Variants in UGGT2 observed in about 807,000 individuals in gnomAD.
UGGT2 encodes UDP-glucose:glycoprotein glucosyltransferase 2.
UGGT2 carries 180 observed loss-of-function variants against 192.1 expected under a neutral mutation model. The ratio of observed to expected loss-of-function variants is 0.94; its 90% CI spans 0.83 to 1.06. The LOEUF (loss-of-function observed/expected upper bound fraction) is 1.06, where lower values mean the gene tolerates loss of function less well. UGGT2 is among the 50% of genes least tolerant of loss of function. UGGT2 has a pLI of 0.00. For missense variants in UGGT2, 1,849 were observed against 1,795.7 expected (o/e 1.03, Z -0.54); for synonymous variants, 580 against 591.0 (o/e 0.98, Z 0.27).
chr13:95,828,584 C>T (rs995097135), intron 38 of UGGT2, among the ~76,000 whole-genome samples: 8 of 152,082 alleles, frequency 5.3e-5, no homozygotes, highest in African/African-American at 1.9e-4. Flanking sequence ...TGGATAAATT[C>T]CTGGATACAT....
At chr13:95,945,810 T>G (rs1406085460) in intron 15 of UGGT2, among the ~76,000 whole-genome samples, 1 of 152,174 alleles carries the variant, frequency 6.6e-6, no homozygotes, top group Non-Finnish European at 1.5e-5. Context: ...CACTATTTTA[T>G]AGAGCAAACT....
chr13:95,867,985 A>T (rs1310262128), intron 29 of UGGT2, among the ~76,000 whole-genome samples: 2 of 152,118 alleles, frequency 1.3e-5, no homozygotes, highest in East Asian at 3.9e-4. Context: ...CCATTTTCAA[A>T]ATTGCTTAAA....
At chr13:95,814,871 A>G (rs890476158) in intron 38 of UGGT2, among the ~76,000 whole-genome samples, 1 of 152,198 alleles carries the variant, frequency 6.6e-6, no homozygotes, top group Non-Finnish European at 1.5e-5. Flanking sequence ...TATAAAAAGG[A>G]TCCTCCATCA....
At chr13:95,938,633 A>G (rs541170767) in intron 16 of UGGT2, among the ~76,000 whole-genome samples, 27 of 152,198 alleles carry the variant, frequency 1.8e-4, no homozygotes, top group Non-Finnish European at 3.1e-4. Context: ...ATGCATGTAA[A>G]TGATATGCAA....
intron 22 of UGGT2, among the ~76,000 whole-genome samples, chr13:95,898,126 C>G (rs145049850): frequency 6.6e-6 from 1 of 152,228 alleles, no homozygotes; most frequent in African/African-American, 2.4e-5. Flanking sequence ...CCATTCTGGT[C>G]CAAGCCACCA....
At chr13:95,939,818 T>C (rs934108425) in intron 16 of UGGT2, 139 bp downstream of exon 16, 2 of 626,180 alleles carry the variant, frequency 3.2e-6, no homozygotes, top group African/African-American at 2.0e-5. Context: ...AATTCTGCCA[T>C]CCCCAGCCTC....
At chr13:95,858,960 A>C (rs1889891314) in intron 33 of UGGT2, among the ~76,000 whole-genome samples, 1 of 152,178 alleles carries the variant, frequency 6.6e-6, no homozygotes, top group Admixed American at 6.6e-5. Context: ...ACTCATTTGA[A>C]ATGCTGTTGA....
intron 12 of UGGT2, among the ~76,000 whole-genome samples, chr13:95,963,186 T>A (rs1249617129): frequency 3.3e-5 from 5 of 151,890 alleles, no homozygotes; most frequent in Non-Finnish European, 7.4e-5. Flanking sequence ...TCCAAAAGCA[T>A]ATCAAAAATA....
rs187761875 is a variant in UGGT2 at position 95,851,099 on chromosome 13, T to C, written c.4284+2444A>G. On this transcript the variant is annotated intron_variant, in intron 36 of 38. Transcript: ENST00000376747. ...TTCCATTTCCTTCCTTCCTCCACAG[T>C]TGTTGGTCCTGAGAGTACTTCCTAA... 2.6e-5 allele frequency among the ~76,000 whole-genome samples: 4 copies of C among 152,308 alleles called. No homozygotes were observed. In the East Asian group the frequency reaches 7.7e-4, roughly 29 times the overall value.
chr13:95,872,416 A>T (rs1261233784), intron 29 of UGGT2, among the ~76,000 whole-genome samples: 1 of 152,226 alleles, frequency 6.6e-6, no homozygotes, highest in African/African-American at 2.4e-5. Flanking sequence ...ATATTATTTT[A>T]GCTTAGATTT....
At chr13:96,010,097 A>C (rs1029715093) in intron 5 of UGGT2, among the ~76,000 whole-genome samples, 1 of 152,210 alleles carries the variant, frequency 6.6e-6, no homozygotes, top group African/African-American at 2.4e-5. Flanking sequence ...AAAGAACCTG[A>C]AATAGAACTA....
chr13:95,907,825 C>T (rs149228655), intron 20 of UGGT2, among the ~76,000 whole-genome samples: 1 of 152,284 alleles, frequency 6.6e-6, no homozygotes, highest in East Asian at 1.9e-4. Context: ...TTCTAAAAAT[C>T]AAAGGGCCTC....
At chr13:96,049,464 G>A (rs1374934018) in intron 1 of UGGT2, among the ~76,000 whole-genome samples, 4 of 152,156 alleles carry the variant, frequency 2.6e-5, no homozygotes, top group African/African-American at 4.8e-5. Context: ...ACACAGTGTT[G>A]GAAGTTCTGG....
intron 20 of UGGT2, among the ~76,000 whole-genome samples, chr13:95,905,886 G>C (rs1384913271): frequency 1.3e-5 from 2 of 151,960 alleles, no homozygotes; most frequent in African/African-American, 2.4e-5. Context: ...ATCAATTTTT[G>C]TGTATGACGT....
chr13:95,803,685 G>C (rs948225374), intron 38 of UGGT2, among the ~76,000 whole-genome samples: 1 of 152,168 alleles, frequency 6.6e-6, no homozygotes, highest in Non-Finnish European at 1.5e-5. Flanking sequence ...AAGCCTGCCA[G>C]TTGTACACCG....
chr13:95,907,778 C>T (rs2140320075), intron 20 of UGGT2, among the ~76,000 whole-genome samples: 1 of 152,290 alleles, frequency 6.6e-6, no homozygotes, highest in African/African-American at 2.4e-5. Flanking sequence ...GATAACACCA[C>T]AAAGATGGGG....
chr13:95,918,766 T>C (rs112202754), intron 20 of UGGT2, among the ~76,000 whole-genome samples: 3,270 of 152,210 alleles, frequency 0.021, 112 homozygotes, highest in African/African-American at 0.075. Flanking sequence ...TAGGACCAGA[T>C]GGATTCACAG....
chr13:95,860,240 T>C (rs914832092), intron 32 of UGGT2, among the ~76,000 whole-genome samples: 3 of 151,334 alleles, frequency 2.0e-5, no homozygotes, highest in African/African-American at 7.3e-5. Context: ...ATTTCTCCCC[T>C]CATTCCCTTC....
chr13:95,936,840 C>A, intron 17 of UGGT2, 84 bp downstream of exon 17: 1 of 1,247,000 alleles, frequency 8.0e-7, no homozygotes, highest in East Asian at 2.8e-5. Flanking sequence ...TTTACCAAAT[C>A]AACTTCTGTC....
Sources: gnomAD v4.1 joint callset for allele counts (sites outside exome capture counted in the v4.1 genomes callset) on GRCh38, gnomAD v4.1.1 for gene constraint, MANE v1.5 for transcripts, NCBI Gene and HGNC (gene_info 2026-07-23, HGNC 2026-07-21) for gene names.